Variants in TMEM132E observed in about 807,000 individuals in gnomAD.
The protein encoded by TMEM132E is transmembrane protein 132E.
A neutral mutation model predicts 78.5 loss-of-function variants in TMEM132E; 49 were observed. The ratio of observed to expected loss-of-function variants is 0.62; its 90% CI spans 0.50 to 0.79. The LOEUF (loss-of-function observed/expected upper bound fraction) is 0.79. Among genes scored for constraint, TMEM132E ranks in the 30% least tolerant of loss-of-function variants. TMEM132E has a pLI of 0.00. For synonymous variants in TMEM132E, 715 were observed against 670.6 expected (o/e 1.07, Z -1.02); for missense variants, 1,403 against 1,470.9 (o/e 0.95, Z 0.75).
chr17:34,634,388 G>T (rs1441517981), intron 6 of TMEM132E, among the ~76,000 whole-genome samples: 2 of 152,226 alleles, frequency 1.3e-5, no homozygotes, highest in Non-Finnish European at 2.9e-5. Flanking sequence ...GTCCTGCTTA[G>T]TTTCCACACA....
In TMEM132E at chr17:34,627,059, T is replaced by G. The variant is rs751668474; in HGVS notation, c.998+2T>G. On this transcript the variant is annotated splice_donor_variant, in intron 2 of 8. Coordinates refer to ENST00000631683, the MANE Select transcript of TMEM132E (RefSeq NM_001304438.2). LOFTEE classifies it high-confidence loss of function. ...CAGCGTGGAGCACTTCACACTCAGG[T>G]AGTAGGGAAGATGGGTGGGGATCTG... is the stretch of plus-strand genomic sequence containing the variant. 6.2e-7 allele frequency: 1 copy of G among 1,612,454 alleles called. No homozygotes were observed. Among genetic ancestry groups the G allele is most frequent in the Non-Finnish European group, 8.5e-7 (1 of 1,179,276 alleles).
chr17:34,622,997 G>A (rs1394784218), intron 1 of TMEM132E, among the ~76,000 whole-genome samples: 6 of 152,062 alleles, frequency 3.9e-5, no homozygotes, highest in Admixed American at 1.3e-4. Flanking sequence ...GAGAGAGAGA[G>A]AGAAAAGAGA....
At chr17:34,625,815 T>A (rs888403342) in intron 1 of TMEM132E, among the ~76,000 whole-genome samples, 1 of 152,208 alleles carries the variant, frequency 6.6e-6, no homozygotes, top group African/African-American at 2.4e-5. Flanking sequence ...GCGCTGGGGA[T>A]AGAACCTCCT....
In TMEM132E at chr17:34,637,388, A is replaced by G. The variant is rs1412752861; in HGVS notation, c.2381A>G (p.Gln794Arg). 6.2e-7 allele frequency: 1 copy of G among 1,613,922 alleles called. No homozygotes were observed. The highest frequency in any genetic ancestry group is 8.5e-7 in the Non-Finnish European group (1 of 1,180,042). Residue 794 changes from glutamine (Q) to arginine (R), a missense_variant, in exon 9 of 9, where the codon CAG becomes CGG. This residue lies in a region of TMEM132E where 888 missense variants were observed against 952.8 expected (regional missense o/e 0.93). Transcript: ENST00000631683. ...RAELTIAESC[Q>R]KTKRKSVLAT... ...GAGCTAACCATCGCTGAGAGCTGCC[A>G]GAAAACCAAACGCAAGAGTGTGCTC... is the stretch of plus-strand genomic sequence containing the variant.
intron 1 of TMEM132E, among the ~76,000 whole-genome samples, chr17:34,601,589 A>C (rs1429921962): frequency 1.3e-5 from 2 of 152,256 alleles, no homozygotes; most frequent in South Asian, 2.1e-4. Context: ...CTGACCACAC[A>C]GGGTGACAGT....
rs1439608407 is a variant in TMEM132E at position 34,593,799 on chromosome 17, C to A, written c.67+12656C>A. ...CACCCTTCTTCTCAGAACCACCTCA[C>A]TGAGAGTGAGAGCCAAAGTCCTCAC... On this transcript the variant is annotated intron_variant, in intron 1 of 8. Transcript: ENST00000631683. Among the ~76,000 whole-genome samples, 4 of 152,252 alleles carry A rather than the reference C, an allele frequency of 2.6e-5. No homozygotes were observed. In the East Asian group the frequency reaches 5.8e-4, roughly 22 times the overall value.
chr17:34,615,751 A>AT (rs1238232662), intron 1 of TMEM132E, among the ~76,000 whole-genome samples: 1 of 151,742 alleles, frequency 6.6e-6, no homozygotes, highest in Non-Finnish European at 1.5e-5. Flanking sequence ...TTGGGTTCAC[A>AT]TATAGGAGAG....
At chr17:34,609,575 C>G (rs1427034235) in intron 1 of TMEM132E, among the ~76,000 whole-genome samples, 1 of 152,196 alleles carries the variant, frequency 6.6e-6, no homozygotes, top group African/African-American at 2.4e-5. Flanking sequence ...CTGCCTTTGC[C>G]CTGCTGTCCA....
chr17:34,633,023 T>G (rs1374091663), intron 6 of TMEM132E, 114 bp downstream of exon 6: 4 of 1,215,576 alleles, frequency 3.3e-6, no homozygotes, highest in Non-Finnish European at 4.7e-6. Flanking sequence ...AGTCTGTAGG[T>G]TGGTTGTGCA....
intron 5 of TMEM132E, 135 bp downstream of exon 5, chr17:34,630,286 C>A: frequency 3.3e-6 from 3 of 922,158 alleles, no homozygotes; most frequent in Non-Finnish European, 4.8e-6. Flanking sequence ...GTGCTGGGAC[C>A]CCTTCTGTTG....
rs57013351 is a variant in TMEM132E, at chr17:34,613,174, T to C, written c.68-12953T>C. On this transcript the variant is annotated intron_variant, in intron 1 of 8. Transcript: ENST00000631683. Reference sequence around the variant, plus strand: ...CACACTCTCTCTCTCTCTCTCTCTCTACACACACACACACACACACACCCA... The same window carrying C: ...CACACTCTCTCTCTCTCTCTCTCTCCACACACACACACACACACACACCCA... Among the ~76,000 whole-genome samples the C allele has an allele frequency of 1.8e-3, 194 of 109,156 alleles. 1 individual carries two copies. Among genetic ancestry groups the C allele is most frequent in the East Asian group, 3.3e-3 (9 of 2,714 alleles). 71.6% of individuals were successfully genotyped at this position (109,156 alleles called of 152,430 possible).
At chr17:34,614,888 T>C (rs1387654282) in intron 1 of TMEM132E, 4 of 152,402 alleles carry the variant, frequency 2.6e-5, no homozygotes, top group African/African-American at 9.6e-5. Context: ...CTCAGTGCCA[T>C]GTGCAGCTTA....
intron 1 of TMEM132E, among the ~76,000 whole-genome samples, chr17:34,610,237 G>A (rs907031228): frequency 1.3e-5 from 2 of 152,178 alleles, no homozygotes; most frequent in African/African-American, 2.4e-5. Context: ...TTCCTTAAGG[G>A]CAGAAACTAT....
chr17:34,602,247 G>A (rs375868165), intron 1 of TMEM132E, among the ~76,000 whole-genome samples: 3 of 152,252 alleles, frequency 2.0e-5, no homozygotes, highest in Admixed American at 6.5e-5. Flanking sequence ...GCTGCTTTAA[G>A]CTGGCTCTCA....
At chr17:34,602,935 G>A (rs1460260977) in intron 1 of TMEM132E, among the ~76,000 whole-genome samples, 1 of 152,160 alleles carries the variant, frequency 6.6e-6, no homozygotes, top group Middle Eastern at 3.2e-3. Flanking sequence ...GATGCCAGTT[G>A]CCTCTCCAAG....
chr17:34,609,544 C>T (rs150634656), intron 1 of TMEM132E, among the ~76,000 whole-genome samples: 3 of 152,240 alleles, frequency 2.0e-5, no homozygotes, highest in East Asian at 1.9e-4. Flanking sequence ...CCCCATGGAA[C>T]GGCAGCTCTG....
intron 8 of TMEM132E, 78 bp from the exon 9 acceptor site, chr17:34,637,099 T>C: frequency 7.4e-7 from 1 of 1,342,930 alleles, no homozygotes; most frequent in Non-Finnish European, 1.0e-6. Flanking sequence ...TCCCTGCCCC[T>C]ACAGAGCCCA....
intron 1 of TMEM132E, among the ~76,000 whole-genome samples, chr17:34,621,317 C>T (rs1305002130): frequency 2.0e-5 from 3 of 152,130 alleles, no homozygotes; most frequent in East Asian, 3.9e-4. Context: ...CTTCCTGGCT[C>T]GTAGACAGCT....
At chr17:34,600,536 G>A (rs2142059352) in intron 1 of TMEM132E, among the ~76,000 whole-genome samples, 1 of 151,824 alleles carries the variant, frequency 6.6e-6, no homozygotes, top group East Asian at 1.9e-4. Context: ...CTGCCCTGAG[G>A]TTTGCCATGG....
Sources: allele counts gnomAD v4.1 joint callset (sites outside exome capture counted in the v4.1 genomes callset), GRCh38; gene constraint gnomAD v4.1.1; regional missense constraint gnomAD v4.1.1; transcripts MANE v1.5; gene names NCBI Gene and HGNC (gene_info 2026-07-23, HGNC 2026-07-21).